EYS: variants seen among roughly 807,000 people sequenced by gnomAD.
The protein encoded by EYS is protein eyes shut homolog.
Under a neutral mutation model 282.1 loss-of-function variants are expected in EYS, and 250 were observed. The observed-to-expected ratio is 0.89, with a 90% CI of 0.80 to 0.98. EYS has a LOEUF of 0.98. Ranked by LOEUF, EYS falls within the 50% of genes least tolerant of loss-of-function variation. The probability of loss-of-function intolerance (pLI) is 0.00; values close to 1 mark genes in which losing one functional copy is unlikely to be tolerated. For missense variants in EYS, 4,016 were observed against 3,709.0 expected (o/e 1.08, Z -2.15); for synonymous variants, 1,355 against 1,282.9 (o/e 1.06, Z -1.20).
At chr6:64,477,332 T>G (rs1016095593) in intron 26 of EYS, among the ~76,000 whole-genome samples, 3 of 152,180 alleles carry the variant, frequency 2.0e-5, no homozygotes, top group Non-Finnish European at 4.4e-5. Context: ...ATAACTCATA[T>G]TTTATTTAAA....
intron 5 of EYS, among the ~76,000 whole-genome samples, chr6:65,486,303 TCTTG>T (rs1484305855): frequency 6.6e-6 from 1 of 152,220 alleles, no homozygotes; most frequent in African/African-American, 2.4e-5. Flanking sequence ...GTGCTTTTTT[TCTTG>T]CTTCTTTTCA....
intron 26 of EYS, among the ~76,000 whole-genome samples, chr6:64,563,344 GA>G (rs139488567): frequency 0.03 from 4,597 of 151,858 alleles, 151 homozygotes; most frequent in East Asian, 0.11. Context: ...TGAAGCAGAT[GA>G]AAAAAGAATT....
At chr6:65,190,758 A>G (rs1765622995) in intron 12 of EYS, among the ~76,000 whole-genome samples, 1 of 151,794 alleles carries the variant, frequency 6.6e-6, no homozygotes, top group Admixed American at 6.6e-5. Context: ...ATTTGAATAT[A>G]ATGTGTATTT....
intron 12 of EYS, among the ~76,000 whole-genome samples, chr6:65,132,558 A>G (rs1013892891): frequency 6.6e-6 from 1 of 152,014 alleles, no homozygotes; most frequent in Non-Finnish European, 1.5e-5. Context: ...GAAGGAACAT[A>G]CCTCAAAATA....
At chr6:65,184,087 T>C (rs1260480878) in intron 12 of EYS, among the ~76,000 whole-genome samples, 1 of 151,948 alleles carries the variant, frequency 6.6e-6, no homozygotes, top group East Asian at 1.9e-4. Context: ...ACTTTCAGAA[T>C]ATGTTATGAA....
intron 31 of EYS, among the ~76,000 whole-genome samples, chr6:64,227,673 A>C (rs964987219): frequency 1.3e-5 from 2 of 152,098 alleles, no homozygotes; most frequent in African/African-American, 4.8e-5. Context: ...CACTCAGTGT[A>C]GCATCTGGTA....
intron 33 of EYS, among the ~76,000 whole-genome samples, chr6:64,022,445 C>T (rs78852640): frequency 6.6e-6 from 1 of 152,078 alleles, no homozygotes; most frequent in African/African-American, 2.4e-5. Flanking sequence ...TTATTGTGTA[C>T]AATTCATTGG....
chr6:64,425,657 GAAAAAAAAAAAA>G (rs34577912), intron 28 of EYS, among the ~76,000 whole-genome samples: 2 of 67,848 alleles, frequency 2.9e-5, no homozygotes, highest in African/African-American at 5.7e-5. Context: ...TCCATCCCAG[GAAAAAAAAAAAA>G]AAAAAAAAAA....
chr6:64,780,868 T>C (rs1350193898), intron 22 of EYS, among the ~76,000 whole-genome samples: 2 of 152,208 alleles, frequency 1.3e-5, no homozygotes, highest in Non-Finnish European at 2.9e-5. Context: ...AATTATTTTC[T>C]AAGAATAAAT....
intron 28 of EYS, among the ~76,000 whole-genome samples, chr6:64,430,188 G>C (rs1278694377): frequency 6.6e-6 from 1 of 152,042 alleles, no homozygotes; most frequent in Non-Finnish European, 1.5e-5. Context: ...CATTGTCTTT[G>C]TTCCAATTGT....
chr6:64,594,847 A>G (rs1162621595), intron 24 of EYS, among the ~76,000 whole-genome samples: 1 of 151,636 alleles, frequency 6.6e-6, no homozygotes, highest in Non-Finnish European at 1.5e-5. Context: ...TAATAATAAT[A>G]AAATTTAAAA....
chr6:65,045,819 C>A (rs1036702310), intron 13 of EYS, among the ~76,000 whole-genome samples: 5 of 151,824 alleles, frequency 3.3e-5, no homozygotes, highest in African/African-American at 1.2e-4. Context: ...AGGGATGTAG[C>A]TGGTAGATGT....
At chr6:65,497,102 T>C (rs1766283053) in intron 2 of EYS, among the ~76,000 whole-genome samples, 1 of 152,112 alleles carries the variant, frequency 6.6e-6, no homozygotes, top group Admixed American at 6.6e-5. Context: ...AATCACCTTG[T>C]TAATTTTATA....
chr6:64,767,700 G>A (rs1773397447), intron 22 of EYS, among the ~76,000 whole-genome samples: 1 of 152,056 alleles, frequency 6.6e-6, no homozygotes, highest in Non-Finnish European at 1.5e-5. Flanking sequence ...GGACACCTAG[G>A]TTGATTTCAT....
At chr6:63,930,868 AGAACATTT>A (rs981686690) in intron 35 of EYS, among the ~76,000 whole-genome samples, 2 of 152,198 alleles carry the variant, frequency 1.3e-5, no homozygotes, top group African/African-American at 4.8e-5. Context: ...GGAAAGATAA[AGAACATTT>A]GATTGAACCC....
At chr6:64,770,949 C>A (rs146724673) in intron 22 of EYS, among the ~76,000 whole-genome samples, 1 of 151,716 alleles carries the variant, frequency 6.6e-6, no homozygotes, top group Non-Finnish European at 1.5e-5. Flanking sequence ...TAATATATTG[C>A]AATTCAAACA....
chr6:65,558,402 G>T (rs1768902645), intron 2 of EYS, among the ~76,000 whole-genome samples: 1 of 152,244 alleles, frequency 6.6e-6, no homozygotes, highest in Non-Finnish European at 1.5e-5. Flanking sequence ...CATTGGGAGT[G>T]CGGAGAGGCC....
At chr6:65,308,943 G>A (rs142731485) in intron 11 of EYS, among the ~76,000 whole-genome samples, 2,416 of 152,092 alleles carry the variant, frequency 0.016, 56 homozygotes, top group African/African-American at 0.055. Context: ...AAACCTTTTG[G>A]TGTGTTAAGT....
At chr6:65,398,195 A>G (rs1440809409) in intron 7 of EYS, among the ~76,000 whole-genome samples, 1 of 151,876 alleles carries the variant, frequency 6.6e-6, no homozygotes, top group East Asian at 1.9e-4. Context: ...TGTTTCTCCT[A>G]TTCTATAGTT....
Sources: allele counts gnomAD v4.1 joint callset (sites outside exome capture counted in the v4.1 genomes callset), GRCh38; gene constraint gnomAD v4.1.1; transcripts MANE v1.5; gene names NCBI Gene and HGNC (gene_info 2026-07-23, HGNC 2026-07-21).